Variants in STARD9 observed in about 807,000 individuals in gnomAD.
STARD9 encodes stAR-related lipid transfer protein 9.
Under a neutral mutation model 399.8 loss-of-function variants are expected in STARD9, and 346 were observed. The ratio of observed to expected loss-of-function variants is 0.87; its 90% confidence interval spans 0.79 to 0.95. STARD9 has a LOEUF of 0.95. STARD9 is among the 40% of genes least tolerant of loss of function. The probability of loss-of-function intolerance (pLI) is 0.00; values close to 1 mark genes in which losing one functional copy is unlikely to be tolerated. For synonymous variants in STARD9, 2,203 were observed against 2,143.5 expected, an observed-to-expected ratio of 1.03 and a Z score of -0.77; for missense variants, 5,832 against 5,667.5, an observed-to-expected ratio of 1.03 and a Z score of -0.93.
In STARD9 at chr15:42,692,016, C is replaced by A; in HGVS notation, c.10438C>A (p.Arg3480Ser). 6.5e-7 allele frequency: 1 copy of A among 1,537,204 alleles called. No individual in the cohort carries two copies. Among genetic ancestry groups the A allele is most frequent in the Non-Finnish European group, 8.7e-7 (1 of 1,146,908 alleles). Residue 3480 changes from arginine (R) to serine (S), a missense_variant, in exon 23 of 33, where the codon CGT (arginine) becomes AGT (serine). Arg to Ser is a moderately radical substitution (Grantham distance 110). Around this residue, in one of 2 missense-constraint regions of STARD9, gnomAD observed 5,828 missense variants for 5,651.1 expected, o/e 1.03. Transcript: ENST00000290607. Reference sequence around the variant, plus strand: ...GCCGTGGCGTCCGGAGGAGCCTGCACGTATCAGCTGGAAGCAGTATATGTC... The same window carrying A: ...GCCGTGGCGTCCGGAGGAGCCTGCAAGTATCAGCTGGAAGCAGTATATGTC... Reference protein sequence around the residue: ...ALPWRPEEPARISWKQYMSGS... With the variant: ...ALPWRPEEPASISWKQYMSGS...
chr15:42,578,074 T>A (rs924978998), intron 1 of STARD9, among the ~76,000 whole-genome samples: 2 of 151,928 alleles, frequency 1.3e-5, no homozygotes, highest in African/African-American at 2.4e-5. Flanking sequence ...CTCAAGTGCC[T>A]ATTTATTCAG....
chr15:42,681,908 T>C (rs950686990), intron 21 of STARD9, among the ~76,000 whole-genome samples, 196 bp from the exon 22 acceptor site: 5 of 152,130 alleles, frequency 3.3e-5, no homozygotes, highest in African/African-American at 9.7e-5. Flanking sequence ...ACTGCTGTGC[T>C]GAGTCCTGAG....
intron 1 of STARD9, 142 bp from the exon 2 acceptor site, chr15:42,583,204 G>A (rs796806434): frequency 1.6e-5 from 10 of 610,176 alleles, no homozygotes; most frequent in African/African-American, 3.7e-5. Context: ...TTGATGCGAC[G>A]CTTATAGCCA....
At chr15:42,587,765 G>T (rs917833615) in intron 3 of STARD9, among the ~76,000 whole-genome samples, 1 of 152,026 alleles carries the variant, frequency 6.6e-6, no homozygotes, top group Non-Finnish European at 1.5e-5. Flanking sequence ...AGGTTTCTCC[G>T]TGTTGGTCAG....
Position 42,692,137 on chromosome 15 carries a change from A to G in STARD9, c.10559A>G (p.Asp3520Gly). The change falls in exon 23 of 33, where the codon GAC (aspartate) becomes GGC (glycine). Residue 3520 changes from aspartate (D) to glycine (G), a missense_variant. This residue lies in a region of STARD9 where 5,828 missense variants were observed against 5,651.1 expected (regional missense o/e 1.03). Coordinates refer to ENST00000290607, the MANE Select transcript of STARD9 (RefSeq NM_020759.3). The stretch of plus-strand genomic sequence containing the variant: ...TCCAGCATGGACAATGGCCTAGAAG[A>G]CCAGAACTCCCCTTTCCACTCCCAC... ...RCSSMDNGLE[D>G]QNSPFHSHLS... 6.5e-7 allele frequency: 1 copy of G among 1,537,078 alleles called. No homozygotes were observed.
intron 15 of STARD9, among the ~76,000 whole-genome samples, chr15:42,666,174 G>A (rs1031978355): frequency 1.6e-4 from 25 of 152,210 alleles, no homozygotes; most frequent in African/African-American, 6.0e-4. Flanking sequence ...TGCTCAGCAT[G>A]ATGCTGCAAG....
rs2060737467 is a variant in STARD9 at position 42,692,645 on chromosome 15, C to T, written c.11067C>T (p.His3689=). 6.5e-7 allele frequency: 1 copy of T among 1,537,216 alleles called. No homozygotes were observed. Among genetic ancestry groups the T allele is most frequent in the Non-Finnish European group, 8.7e-7 (1 of 1,146,922 alleles). The change falls in exon 23 of 33, where the codon CAC becomes CAT. Residue 3689 remains histidine (H), a synonymous_variant. Transcript: ENST00000290607. ...CTCTCCACCTCTCACAGCTCCTGCA[C>T]AGTACCTCAGAGCTGCTTGGGAGTC... ...NLSLHLSQLL[H]STSELLGSLS...
In STARD9 at chr15:42,693,115, C is replaced by T; in HGVS notation, c.11537C>T (p.Ser3846Phe). 6.5e-7 allele frequency: 1 copy of T among 1,537,226 alleles called. No individual in the cohort carries two copies. The highest frequency in any genetic ancestry group is 8.7e-7 in the Non-Finnish European group (1 of 1,146,906). The change falls in exon 23 of 33, where the codon TCC (serine) becomes TTC (phenylalanine). Residue 3846 changes from serine (S) to phenylalanine (F), a missense_variant. By Grantham distance (155) the Ser-to-Phe change is radical. This residue lies in a region of STARD9 where 5,828 missense variants were observed against 5,651.1 expected (regional missense o/e 1.03). Transcript: ENST00000290607. ...TCTGATGCTTTCCTGCCTCCCAGCT[C>T]CCAGCCAGAGGAGTCATATTGCTTA... ...SVSDAFLPPSSQPEESYCLVV... is the reference protein window; with the variant it reads ...SVSDAFLPPSFQPEESYCLVV...
intron 3 of STARD9, among the ~76,000 whole-genome samples, chr15:42,618,652 A>G (rs2059021452): frequency 6.6e-6 from 1 of 151,864 alleles, no homozygotes; most frequent in South Asian, 2.1e-4. Context: ...GCTGGAGTGC[A>G]GTGGTGTGAT....
At chr15:42,709,431 AAT>A (rs1346325080) in intron 26 of STARD9, among the ~76,000 whole-genome samples, 2 of 152,244 alleles carry the variant, frequency 1.3e-5, no homozygotes, top group Admixed American at 1.3e-4. Context: ...TCACGCCTGT[AAT>A]CCCAGCACTT....
intron 26 of STARD9, among the ~76,000 whole-genome samples, chr15:42,712,291 A>G (rs2061258010): frequency 6.7e-6 from 1 of 148,882 alleles, no homozygotes. Context: ...CTGTCTTGAT[A>G]TAGTGCCCTT....
chr15:42,578,683 T>C (rs1415736726), intron 1 of STARD9, among the ~76,000 whole-genome samples: 1 of 152,096 alleles, frequency 6.6e-6, no homozygotes, highest in Non-Finnish European at 1.5e-5. Context: ...TGGAGTTTAA[T>C]TAAAGTCAGA....
chr15:42,687,126 T>C lies in STARD9; in HGVS notation c.5548T>C (p.Ser1850Pro). 1 of 1,537,292 alleles carries C rather than the reference T, an allele frequency of 6.5e-7. No homozygotes were observed. The highest frequency in any genetic ancestry group is 2.0e-5 in the Admixed American group (1 of 51,006). Residue 1850 changes from serine to proline, a missense_variant, in exon 23 of 33, where the codon TCT becomes CCT. By Grantham distance (74) the Ser-to-Pro change is moderately conservative. Around this residue, in one of 2 missense-constraint regions of STARD9, gnomAD observed 5,828 missense variants for 5,651.1 expected, o/e 1.03. Coordinates refer to ENST00000290607, the MANE Select transcript of STARD9 (RefSeq NM_020759.3). ...AGAAAGCCATGATTCAGTTTATTCT[T>C]CTGTTACTCAGAACAGACATTTTCT... ...TEESHDSVYS[S>P]VTQNRHFLPS...
intron 3 of STARD9, chr15:42,629,811 T>G (rs1379216882): frequency 6.6e-6 from 1 of 151,104 alleles, no homozygotes. Flanking sequence ...TTCTCAAGGG[T>G]TTTTTTTTCT....
intron 5 of STARD9, 27 bp from the exon 6 acceptor site, chr15:42,637,999 G>A (rs1395425302): frequency 7.8e-6 from 12 of 1,537,294 alleles, no homozygotes; most frequent in Non-Finnish European, 1.0e-5. Context: ...TTCCTACAAT[G>A]AAACCCCAAC....
At chr15:42,675,086 A>G in intron 18 of STARD9, 122 bp downstream of exon 18, 4 of 1,094,494 alleles carry the variant, frequency 3.7e-6, no homozygotes, top group Non-Finnish European at 4.9e-6. Context: ...TGCACCCTGA[A>G]GTCTGAAGAT....
chr15:42,636,621 T>C (rs1317091903), intron 4 of STARD9, among the ~76,000 whole-genome samples: 1 of 152,032 alleles, frequency 6.6e-6, no homozygotes, highest in Non-Finnish European at 1.5e-5. Flanking sequence ...TAAAAGTATA[T>C]ATGTCCTGTT....
Position 42,685,362 on chromosome 15 carries a change from G to A in STARD9, c.3784G>A (p.Ala1262Thr), listed in dbSNP as rs149088758. The A allele has an allele frequency of 4.9e-5, 75 of 1,537,166 alleles. No homozygotes were observed. The African/African-American group carries it at 8.8e-4, about 18-fold the overall frequency. The change falls in exon 23 of 33, where the codon GCA becomes ACA. Residue 1262 changes from alanine to threonine, a missense_variant. By Grantham distance (58) the Ala-to-Thr change is moderately conservative. Coordinates refer to ENST00000290607, the MANE Select transcript of STARD9 (RefSeq NM_020759.3). ...GCTTGGTCCCATCAACTACAGAACAGCAGCTAGGCTGGATGCCGTCCTGCC... is the reference window on the plus strand; with the variant it reads ...GCTTGGTCCCATCAACTACAGAACAACAGCTAGGCTGGATGCCGTCCTGCC... ...CRLGPINYRTAARLDAVLPMS... is the reference protein window; with the variant it reads ...CRLGPINYRTTARLDAVLPMS...
Position 42,707,524 on chromosome 15 carries a change from C to T in STARD9, c.13285-9153C>T, listed in dbSNP as rs1365603213. On this transcript the variant is annotated intron_variant, in intron 26 of 32. Coordinates refer to ENST00000290607, the MANE Select transcript of STARD9 (RefSeq NM_020759.3). The stretch of plus-strand genomic sequence containing the variant: ...TTGCTGTGTCGCCAAGGCTGGAGTG[C>T]AGTGGCACGATCTCGGCTCACTCCA... 2.7e-5 allele frequency among the ~76,000 whole-genome samples: 4 copies of T among 146,590 alleles called. No individual in the cohort carries two copies. The Admixed American group carries it at 2.8e-4, about 10-fold the overall frequency.
Sources: allele counts gnomAD v4.1 joint callset (sites outside exome capture counted in the v4.1 genomes callset), GRCh38; gene constraint gnomAD v4.1.1; regional missense constraint gnomAD v4.1.1; transcripts MANE v1.5; gene names NCBI Gene and HGNC (gene_info 2026-07-23, HGNC 2026-07-21).